The following PNPLA6 variants were observed in gnomAD, a reference collection of about 807,000 sequenced individuals.
PNPLA6 encodes the protein patatin-like phospholipase domain-containing protein 6.
PNPLA6 carries 105 observed loss-of-function variants against 153.7 expected under a neutral mutation model. That is an observed-to-expected ratio of 0.68 (90% CI 0.58 to 0.80). The LOEUF is 0.80. Ranked by LOEUF, PNPLA6 falls within the 30% of genes least tolerant of loss-of-function variation. PNPLA6 has a pLI of 0.00. For synonymous variants in PNPLA6, 825 were observed against 822.2 expected (o/e 1.00, Z -0.06); for missense variants, 1,423 against 1,919.3 (o/e 0.74, Z 4.83).
intron 18 of PNPLA6, among the ~76,000 whole-genome samples, chr19:7,552,638 C>T (rs2023701779): frequency 6.6e-6 from 1 of 151,296 alleles, no homozygotes; most frequent in African/African-American, 2.4e-5. Flanking sequence ...GCCTGTAATC[C>T]CAGCTACTTG....
At position 7,540,215 on chromosome 19, in the gene PNPLA6, G is replaced by A. The variant is rs200521839; in HGVS notation, c.621G>A (p.Leu207=). The part of the protein sequence containing the change: ...ELCRHMVFQR[L]GQGDYVFRPG... ...GCCGCCACATGGTCTTCCAGCGGCT[G>A]GGCCAGGGTGACTACGTCTTCCGGC... is the stretch of plus-strand genomic sequence containing the variant. Residue 207 remains leucine (L), a synonymous_variant, in exon 5 of 32, where the codon CTG becomes CTA. Coordinates refer to ENST00000600737, the MANE Select transcript of PNPLA6 (RefSeq NM_001166114.2). The surrounding 1 kb of genome is among the most constrained non-coding windows in gnomAD (Gnocchi z 6.8). The A allele has an allele frequency of 4.3e-5, 70 of 1,610,268 alleles. No homozygotes were observed. In the East Asian group the frequency reaches 1.6e-3, roughly 36 times the overall value.
intron 27 of PNPLA6, among the ~76,000 whole-genome samples, chr19:7,558,341 G>A (rs188363662): frequency 5.3e-5 from 8 of 152,300 alleles, no homozygotes; most frequent in Admixed American, 5.2e-4. Context: ...TATAAATAAA[G>A]CTTTATTGAG....
Position 7,535,947 on chromosome 19 carries a change from G to C in PNPLA6, c.159G>C (p.Met53Ile). 1 of 1,587,440 alleles carries C rather than the reference G, an allele frequency of 6.3e-7. No individual in the cohort carries two copies. Among genetic ancestry groups the C allele is most frequent in the Non-Finnish European group, 8.5e-7 (1 of 1,171,340 alleles). ...VPFVPQVLGVMIGAGVAVVVT... is the reference protein window; with the variant it reads ...VPFVPQVLGVIIGAGVAVVVT... ...TCGTCCCTCAGGTGCTTGGCGTGAT[G>C]ATCGGGGCCGGAGTGGCGGTGGTGG... The change falls in exon 1 of 32, where the codon ATG becomes ATC. Residue 53 changes from methionine to isoleucine, a missense_variant. Met to Ile is a conservative substitution (Grantham distance 10, BLOSUM62 1). Around this residue, in one of 10 missense-constraint regions of PNPLA6, gnomAD observed 109 missense variants for 109.4 expected, o/e 1.00. Transcript: ENST00000600737. The surrounding 1 kb of genome is among the most constrained non-coding windows in gnomAD (Gnocchi z 5.0).
rs751885996 is a variant in PNPLA6, at chr19:7,536,572, G to C, written c.413+26G>C. On this transcript the variant is annotated intron_variant, in intron 3 of 31. Coordinates refer to ENST00000600737, the MANE Select transcript of PNPLA6 (RefSeq NM_001166114.2). ...GTAAGGCTGTGCTGGGTGTGACCTG[G>C]TATTAGGGGTTATCTCAGGGGCCTT... The C allele has an allele frequency of 2.1e-5, 30 of 1,457,552 alleles. No homozygotes were observed. The Middle Eastern group carries it at 8.7e-4, about 42-fold the overall frequency. 90.3% of individuals were successfully genotyped at this position (1,457,552 alleles called of 1,614,324 possible).
chr19:7,551,284 C>G, intron 17 of PNPLA6, 78 bp from the exon 18 acceptor site: 6 of 1,453,698 alleles, frequency 4.1e-6, no homozygotes, highest in Non-Finnish European at 5.8e-6. Flanking sequence ...CCCAGGAGCC[C>G]CGGCATAGGA....
chr19:7,550,737 T>A, intron 16 of PNPLA6, 97 bp downstream of exon 16: 2 of 1,476,458 alleles, frequency 1.4e-6, no homozygotes, highest in South Asian at 2.4e-5. Flanking sequence ...GAGTGGTGAA[T>A]GCAGCTCCCG....
intron 13 of PNPLA6, among the ~76,000 whole-genome samples, chr19:7,549,242 A>C (rs1187638602): frequency 6.9e-6 from 1 of 144,244 alleles, no homozygotes; most frequent in African/African-American, 2.6e-5. Flanking sequence ...GCTGGAGTGC[A>C]GTGGCGCGAT....
At chr19:7,554,805 C>T (rs2023799209) in intron 21 of PNPLA6, 82 bp downstream of exon 21, 1 of 1,586,616 alleles carries the variant, frequency 6.3e-7, no homozygotes, top group South Asian at 1.1e-5. Context: ...CCACGTGCAC[C>T]CTCGCCATGG....
Position 7,545,066 on chromosome 19 carries a change from G to A in PNPLA6, c.1608+1982G>A, listed in dbSNP as rs369921724. Among the ~76,000 whole-genome samples, 67 of 151,094 alleles carry A rather than the reference G, an allele frequency of 4.4e-4. No homozygotes were observed. The East Asian group carries it at 0.011, about 25-fold the overall frequency. On this transcript the variant is annotated intron_variant, in intron 13 of 31. Transcript: ENST00000600737. The stretch of plus-strand genomic sequence containing the variant: ...TTCGGAGACGGAGTCTTGCTCTGTC[G>A]CCCAGGCTGGAGCGCAGCGGTGCGA...
At position 7,554,205 on chromosome 19, in the gene PNPLA6, CT is replaced by C. The variant is rs1320099539; in HGVS notation, c.2402-3del. 1 of 1,613,800 alleles carries C rather than the reference CT, an allele frequency of 6.2e-7. No homozygotes were observed. The highest frequency in any genetic ancestry group is 8.5e-7 in the Non-Finnish European group (1 of 1,179,800). Reference sequence around the variant, plus strand: ...CCCAGCCTCCCTTCCCCACCTACCCCTAGGTCCGACGCTACTCCTTAACAGT... The same window carrying C: ...CCCAGCCTCCCTTCCCCACCTACCCCAGGTCCGACGCTACTCCTTAACAGT... On this transcript the variant is annotated splice_polypyrimidine_tract_variant and splice_region_variant and intron_variant, in intron 19 of 31. Transcript: ENST00000600737.
chr19:7,554,776 C>T (rs2023798276), intron 21 of PNPLA6, 53 bp downstream of exon 21: 1 of 1,599,036 alleles, frequency 6.3e-7, no homozygotes, highest in Non-Finnish European at 8.5e-7. Flanking sequence ...GTCCTTTGCC[C>T]TCCCGTGCCT....
Position 7,539,948 on chromosome 19 carries a change from G to A in PNPLA6, c.444G>A (p.Thr148=), listed in dbSNP as rs766433753. Reference sequence around the variant, plus strand: ...TGCGCATCCAGAAAGAGACGCCCACGCTGCAGCGGAAGGAGCCCCCGCCCG... The same window carrying A: ...TGCGCATCCAGAAAGAGACGCCCACACTGCAGCGGAAGGAGCCCCCGCCCG... The part of the protein sequence containing the change: ...KILRIQKETP[T]LQRKEPPPAV... The change falls in exon 4 of 32, where the codon ACG becomes ACA. Residue 148 remains threonine (T), a synonymous_variant. Coordinates refer to ENST00000600737, the MANE Select transcript of PNPLA6 (RefSeq NM_001166114.2). 5 of 1,557,182 alleles carry A rather than the reference G, an allele frequency of 3.2e-6. No homozygotes were observed. Among genetic ancestry groups the A allele is most frequent in the Non-Finnish European group, 4.3e-6 (5 of 1,151,960 alleles).
chr19:7,545,347 T>C (rs1268375039), intron 13 of PNPLA6, among the ~76,000 whole-genome samples: 1 of 152,098 alleles, frequency 6.6e-6, no homozygotes, highest in Non-Finnish European at 1.5e-5. Flanking sequence ...AATTCTGTCT[T>C]AGAAGGTTCC....
intron 13 of PNPLA6, among the ~76,000 whole-genome samples, chr19:7,544,872 T>C (rs1214600739): frequency 1.3e-5 from 2 of 152,234 alleles, no homozygotes; most frequent in East Asian, 3.9e-4. Flanking sequence ...TGTGGCTTCT[T>C]TGGGGGCCCC....
At chr19:7,558,205 C>T (rs544827006) in intron 27 of PNPLA6, among the ~76,000 whole-genome samples, 1 of 152,338 alleles carries the variant, frequency 6.6e-6, no homozygotes, top group South Asian at 2.1e-4. Context: ...AACTTAAAAT[C>T]TCACACCCCA....
rs954183422 is a variant in PNPLA6 at position 7,542,573 on chromosome 19, GC to G, written c.1270del (p.Arg424AlafsTer83). 1 of 1,613,442 alleles carries G rather than the reference GC, an allele frequency of 6.2e-7. No individual in the cohort carries two copies. Among genetic ancestry groups the G allele is most frequent in the Non-Finnish European group, 8.5e-7 (1 of 1,179,832 alleles). Reference sequence around the variant, plus strand: ...TGCCTGCCTGCAGGCTTGCAGGGTGGCCCCCGCTCCGACTTCGACATGGCCT... The same window carrying G: ...TGCCTGCCTGCAGGCTTGCAGGGTGGCCCCGCTCCGACTTCGACATGGCCT... ...MPGDISGLQG[G>X]PRSDFDMAYE... On this transcript the variant is annotated frameshift_variant, in exon 11 of 32. Coordinates refer to ENST00000600737, the MANE Select transcript of PNPLA6 (RefSeq NM_001166114.2). LOFTEE classifies it high-confidence loss of function.
At chr19:7,552,102 C>A (rs1007082076) in intron 18 of PNPLA6, among the ~76,000 whole-genome samples, 1 of 152,134 alleles carries the variant, frequency 6.6e-6, no homozygotes, top group African/African-American at 2.4e-5. Flanking sequence ...AGAGCTAGAA[C>A]CTGTTTCAGA....
Position 7,555,635 on chromosome 19 carries a change from G to T in PNPLA6, c.2965G>T (p.Ala989Ser), listed in dbSNP as rs1369120103. 6.2e-7 allele frequency: 1 copy of T among 1,612,612 alleles called. No individual in the cohort carries two copies. Residue 989 changes from alanine (A) to serine (S), a missense_variant, in exon 24 of 32, where the codon GCA becomes TCA. By Grantham distance (99) the Ala-to-Ser change is moderately conservative. Transcript: ENST00000600737. The surrounding 1 kb of genome is among the most constrained non-coding windows in gnomAD (Gnocchi z 6.3). Reference sequence around the variant, plus strand: ...CTGCTCGCACATCGGAGTACTAAAGGCATTAGAGGAGGCGGGGGTCCCCGT... The same window carrying T: ...CTGCTCGCACATCGGAGTACTAAAGTCATTAGAGGAGGCGGGGGTCCCCGT... The part of the protein sequence containing the change: ...RGCSHIGVLK[A>S]LEEAGVPVDL...
rs192726447 is a variant in PNPLA6 at position 7,548,774 on chromosome 19, A to G, written c.1609-1133A>G. On this transcript the variant is annotated intron_variant, in intron 13 of 31. Coordinates refer to ENST00000600737, the MANE Select transcript of PNPLA6 (RefSeq NM_001166114.2). ...ATAGAGAGAGAGATGCTGCTCATCTATATATAATCTATGTAAAAAAATTTT... is the reference window on the plus strand; with the variant it reads ...ATAGAGAGAGAGATGCTGCTCATCTGTATATAATCTATGTAAAAAAATTTT... 2.9e-4 allele frequency among the ~76,000 whole-genome samples: 43 copies of G among 150,448 alleles called. 1 individual carries two copies. The East Asian group carries it at 7.8e-3, about 27-fold the overall frequency.
Sources: gnomAD v4.1 joint callset for allele counts (sites outside exome capture counted in the v4.1 genomes callset) on GRCh38, gnomAD v4.1.1 for gene constraint, gnomAD v4.1.1 regional missense constraint, Gnocchi (gnomAD v3.1) non-coding constraint, MANE v1.5 for transcripts, NCBI Gene and HGNC (gene_info 2026-07-23, HGNC 2026-07-21) for gene names.